STAG1: variants seen among roughly 807,000 people sequenced by gnomAD.
The protein encoded by STAG1 is cohesin subunit SA-1.
A neutral mutation model predicts 170.9 loss-of-function variants in STAG1; 26 were observed. That is an observed-to-expected ratio of 0.15 (90% confidence interval 0.11 to 0.21). The LOEUF is 0.21. Ranked by LOEUF, STAG1 falls within the 10% of genes least tolerant of loss-of-function variation. The pLI, the probability that STAG1 is intolerant of heterozygous loss-of-function variation, is 1.00. For synonymous variants in STAG1, 514 were observed against 497.7 expected (o/e 1.03, Z -0.44); for missense variants, 964 against 1,509.5 (o/e 0.64, Z 5.99).
chr3:136,660,212 T>C (rs987255525), intron 1 of STAG1, among the ~76,000 whole-genome samples: 7 of 152,170 alleles, frequency 4.6e-5, no homozygotes, highest in Non-Finnish European at 2.9e-5. Flanking sequence ...TATAAAACTC[T>C]TTCTCATAGA....
chr3:136,518,485 G>C (rs1934493697), intron 7 of STAG1: 1 of 661,954 alleles, frequency 1.5e-6, no homozygotes, highest in Non-Finnish European at 2.7e-6. Flanking sequence ...AATAAGAAGA[G>C]GGCAAAGATG....
At chr3:136,379,041 G>A (rs1052534351) in intron 22 of STAG1, among the ~76,000 whole-genome samples, 2 of 152,076 alleles carry the variant, frequency 1.3e-5, no homozygotes, top group Non-Finnish European at 2.9e-5. Context: ...ATTTTCTTTT[G>A]CTAACATGAG....
At chr3:136,492,627 C>T (rs1449784163) in intron 9 of STAG1, among the ~76,000 whole-genome samples, 1 of 152,130 alleles carries the variant, frequency 6.6e-6, no homozygotes, top group African/African-American at 2.4e-5. Context: ...AAGATGAGCC[C>T]TAAGACTGCC....
chr3:136,691,721 T>C (rs1005494722), intron 1 of STAG1, among the ~76,000 whole-genome samples: 15 of 152,238 alleles, frequency 9.9e-5, no homozygotes, highest in South Asian at 4.1e-4. Flanking sequence ...TTACTAGTTA[T>C]AACTTTTCTT....
chr3:136,667,660 TAA>T (rs1941834812), intron 1 of STAG1, among the ~76,000 whole-genome samples: 3 of 152,010 alleles, frequency 2.0e-5, no homozygotes, highest in African/African-American at 4.8e-5. Context: ...CACGCCCAGC[TAA>T]GTTTTATATT....
chr3:136,501,531 C>A (rs1051310473), intron 8 of STAG1, among the ~76,000 whole-genome samples: 2 of 152,190 alleles, frequency 1.3e-5, no homozygotes, highest in Non-Finnish European at 2.9e-5. Context: ...ACCAGCCAAG[C>A]AACTACCAGA....
chr3:136,727,027 T>C (rs1285775521), intron 1 of STAG1, among the ~76,000 whole-genome samples: 1 of 152,182 alleles, frequency 6.6e-6, no homozygotes, highest in Non-Finnish European at 1.5e-5. Flanking sequence ...TTTCACACCC[T>C]CAGAGATGCC....
At chr3:136,643,205 C>T (rs186678365) in intron 1 of STAG1, among the ~76,000 whole-genome samples, 177 of 152,286 alleles carry the variant, frequency 1.2e-3, no homozygotes, top group African/African-American at 2.5e-3. Flanking sequence ...TTTGAAATTA[C>T]TTATTCAAGA....
chr3:136,660,793 C>G (rs1218677650), intron 1 of STAG1, among the ~76,000 whole-genome samples: 1 of 151,784 alleles, frequency 6.6e-6, no homozygotes, highest in Non-Finnish European at 1.5e-5. Flanking sequence ...CATGATGAGA[C>G]CCAATCTCTA....
At chr3:136,446,214 T>C (rs74776652) in intron 14 of STAG1, among the ~76,000 whole-genome samples, 1 of 152,188 alleles carries the variant, frequency 6.6e-6, no homozygotes, top group Non-Finnish European at 1.5e-5. Flanking sequence ...ATCAATGTCA[T>C]AGTTTTTAGG....
intron 6 of STAG1, among the ~76,000 whole-genome samples, chr3:136,531,607 G>A (rs1681533131): frequency 6.6e-6 from 1 of 151,544 alleles, no homozygotes; most frequent in Admixed American, 6.6e-5. Context: ...CATGTCCTTT[G>A]TAGGGACATG....
intron 13 of STAG1, among the ~76,000 whole-genome samples, chr3:136,452,384 G>A (rs528832897): frequency 6.6e-6 from 1 of 151,928 alleles, no homozygotes; most frequent in Non-Finnish European, 1.5e-5. Context: ...CTAACACGGT[G>A]AAATCCCGTC....
chr3:136,566,990 A>G (rs1259466355), intron 5 of STAG1, among the ~76,000 whole-genome samples: 1 of 152,246 alleles, frequency 6.6e-6, no homozygotes, highest in Non-Finnish European at 1.5e-5. Flanking sequence ...GAAAGAATAT[A>G]CATTCCTACC....
intron 1 of STAG1, among the ~76,000 whole-genome samples, chr3:136,660,219 TAGAG>T (rs1941533216): frequency 6.6e-6 from 1 of 152,156 alleles, no homozygotes; most frequent in Non-Finnish European, 1.5e-5. Context: ...CTCTTTCTCA[TAGAG>T]AGATGTACAG....
At chr3:136,569,095 C>T (rs1273370271) in intron 4 of STAG1, among the ~76,000 whole-genome samples, 5 of 151,946 alleles carry the variant, frequency 3.3e-5, no homozygotes, top group African/African-American at 1.2e-4. Context: ...CAAAACAAAT[C>T]GGACCTTACC....
chr3:136,578,114 C>T (rs949973982), intron 4 of STAG1, among the ~76,000 whole-genome samples: 3 of 152,192 alleles, frequency 2.0e-5, no homozygotes, highest in African/African-American at 7.2e-5. Flanking sequence ...GTAACTATAT[C>T]TATGTGCTTT....
chr3:136,476,952 A>C (rs1157833754), intron 10 of STAG1, among the ~76,000 whole-genome samples: 1 of 152,168 alleles, frequency 6.6e-6, no homozygotes, highest in Non-Finnish European at 1.5e-5. Flanking sequence ...TTTTAAAAAA[A>C]AGCTTAGTTT....
intron 3 of STAG1, among the ~76,000 whole-genome samples, chr3:136,616,820 G>T (rs1939620773): frequency 6.6e-6 from 1 of 152,098 alleles, no homozygotes; most frequent in South Asian, 2.1e-4. Context: ...CTTGAACCTG[G>T]GAAATCGAAT....
chr3:136,739,410 C>T (rs938278325), intron 1 of STAG1, among the ~76,000 whole-genome samples: 1 of 149,878 alleles, frequency 6.7e-6, no homozygotes, highest in African/African-American at 2.5e-5. Context: ...GTCCCAGGTA[C>T]TCCCAGCTAG....
Sources: allele counts gnomAD v4.1 joint callset (sites outside exome capture counted in the v4.1 genomes callset), GRCh38; gene constraint gnomAD v4.1.1; transcripts MANE v1.5; gene names NCBI Gene and HGNC (gene_info 2026-07-23, HGNC 2026-07-21).